ACTL6B: variants seen among roughly 807,000 people sequenced by gnomAD.
The protein encoded by ACTL6B is actin-like protein 6B.
Under a neutral mutation model 63.3 loss-of-function variants are expected in ACTL6B, and 48 were observed. The ratio of observed to expected loss-of-function variants is 0.76; its 90% CI spans 0.60 to 0.96. The LOEUF (loss-of-function observed/expected upper bound fraction) is 0.96, where lower values mean the gene tolerates loss of function less well. ACTL6B is among the 50% of genes least tolerant of loss of function. The pLI is 0.00. For missense variants in ACTL6B, 350 were observed against 572.2 expected (o/e 0.61, Z 3.96); for synonymous variants, 230 against 223.8 (o/e 1.03, Z -0.25).
Position 100,646,411 on chromosome 7 carries a change from A to G in ACTL6B, c.1114-76T>C, listed in dbSNP as rs557789785. On this transcript the variant is annotated intron_variant, in intron 12 of 13. Coordinates refer to ENST00000160382, the MANE Select transcript of ACTL6B (RefSeq NM_016188.5). This position sits in a 1 kb window ranked among gnomAD's most constrained non-coding sequence, Gnocchi z 6.1. ...GACAGGGCTTGGGGGAGAGGGGAAGACTTGGGAAGCCACAGGGGCAGGGGT... is the reference window on the plus strand; with the variant it reads ...GACAGGGCTTGGGGGAGAGGGGAAGGCTTGGGAAGCCACAGGGGCAGGGGT... The G allele has an allele frequency of 1.0e-3, 1,625 of 1,569,712 alleles. 3 individuals are homozygous for G. The highest frequency in any genetic ancestry group is 1.0e-3 in the Non-Finnish European group (1,153 of 1,146,262).
At chr7:100,651,323 G>A (rs1284950760) in intron 4 of ACTL6B, among the ~76,000 whole-genome samples, 1 of 151,998 alleles carries the variant, frequency 6.6e-6, no homozygotes, top group African/African-American at 2.4e-5. Flanking sequence ...GGCCAAGGCG[G>A]GCAGATCACC....
rs149325579 is a variant in ACTL6B at position 100,647,025 on chromosome 7, G to A, written c.882C>T (p.Tyr294=). The change falls in exon 10 of 14, where the codon TAC becomes TAT. Residue 294 remains tyrosine, a synonymous_variant. Transcript: ENST00000160382. The surrounding 1 kb of genome is among the most constrained non-coding windows in gnomAD (Gnocchi z 4.4). ...YEMPNGYNTD[Y]GAERLRIPEG... ...CAGGGATGCGGAGTCGCTCGGCGCCGTAGTCTGTATTGTAGCCATTGGGCA... is the reference window on the plus strand; with the variant it reads ...CAGGGATGCGGAGTCGCTCGGCGCCATAGTCTGTATTGTAGCCATTGGGCA... 8.7e-6 allele frequency: 14 copies of A among 1,613,986 alleles called. No individual in the cohort carries two copies. Among genetic ancestry groups the A allele is most frequent in the African/African-American group, 5.3e-5 (4 of 74,904 alleles).
chr7:100,647,014 C>T lies in ACTL6B; in HGVS notation c.893G>A (p.Arg298Gln), dbSNP rs1060499738. 6 of 1,613,934 alleles carry T rather than the reference C, an allele frequency of 3.7e-6. No homozygotes were observed. Among genetic ancestry groups the T allele is most frequent in the Admixed American group, 1.7e-5 (1 of 59,978 alleles). Residue 298 changes from arginine to glutamine, a missense_variant, in exon 10 of 14, where the codon CGA (arginine) becomes CAA (glutamine). By Grantham distance (43) the Arg-to-Gln change is conservative (BLOSUM62 1). Coordinates refer to ENST00000160382, the MANE Select transcript of ACTL6B (RefSeq NM_016188.5). The surrounding 1 kb of genome is among the most constrained non-coding windows in gnomAD (Gnocchi z 4.4). ...NGYNTDYGAE[R>Q]LRIPEGLFDP... is the part of the protein sequence containing the mutation. ...AAACAGGCCCTCAGGGATGCGGAGTCGCTCGGCGCCGTAGTCTGTATTGTA... is the reference window on the plus strand; with the variant it reads ...AAACAGGCCCTCAGGGATGCGGAGTTGCTCGGCGCCGTAGTCTGTATTGTA...
chr7:100,643,236 A>C lies in ACTL6B; in HGVS notation c.*10T>G. ...TGAGCTTGGGAGCAGGTGTGTGGGGAGGAGTGCCATCAGGGGCACTTTCGC... is the reference window on the plus strand; with the variant it reads ...TGAGCTTGGGAGCAGGTGTGTGGGGCGGAGTGCCATCAGGGGCACTTTCGC... On this transcript the variant is annotated 3_prime_UTR_variant, in exon 14 of 14. Transcript: ENST00000160382. 6.2e-7 allele frequency: 1 copy of C among 1,613,536 alleles called. No homozygotes were observed.
chr7:100,653,416 G>A (rs1209279286), intron 4 of ACTL6B, among the ~76,000 whole-genome samples: 3 of 152,140 alleles, frequency 2.0e-5, no homozygotes, highest in African/African-American at 7.2e-5. Context: ...TTGGGAGGCC[G>A]AGGCGGGCAG....
Position 100,655,941 on chromosome 7 carries a change from C to T in ACTL6B, c.26-62G>A, listed in dbSNP as rs1804032397. On this transcript the variant is annotated intron_variant, in intron 1 of 13. Transcript: ENST00000160382. This position sits in a 1 kb window ranked among gnomAD's most constrained non-coding sequence, Gnocchi z 4.4. ...CGAACTCTCTCCCGCTAGGTAGCTC[C>T]GAGAGAAAGTCAGGGCAGAGCCACA... 2.0e-6 allele frequency: 3 copies of T among 1,497,754 alleles called. No individual in the cohort carries two copies. The highest frequency in any genetic ancestry group is 2.1e-5 in the Admixed American group (1 of 47,446). 92.8% of individuals were successfully genotyped at this position (1,497,754 alleles called of 1,614,324 possible).
At position 100,646,654 on chromosome 7, in the gene ACTL6B, C is replaced by G; in HGVS notation, c.1018-8G>C. ...GACACTCCCGTACAGGCCCTGAGAG[C>G]AGGGAGAAGGAGTGAGCTGCGGGGG... On this transcript the variant is annotated splice_region_variant and splice_polypyrimidine_tract_variant and intron_variant, in intron 11 of 13. Coordinates refer to ENST00000160382, the MANE Select transcript of ACTL6B (RefSeq NM_016188.5). The surrounding 1 kb of genome is among the most constrained non-coding windows in gnomAD (Gnocchi z 6.1). 6.2e-7 allele frequency: 1 copy of G among 1,614,042 alleles called. No individual in the cohort carries two copies. The highest frequency in any genetic ancestry group is 2.2e-5 in the East Asian group (1 of 44,878).
rs759977680 is a variant in ACTL6B, at chr7:100,655,599, G to A, written c.103-13C>T. On this transcript the variant is annotated splice_polypyrimidine_tract_variant and intron_variant, in intron 2 of 13. Coordinates refer to ENST00000160382, the MANE Select transcript of ACTL6B (RefSeq NM_016188.5). This position sits in a 1 kb window ranked among gnomAD's most constrained non-coding sequence, Gnocchi z 4.4. The stretch of plus-strand genomic sequence containing the variant: ...TGGGGAAGTCAGCCTGGTGGGGAAG[G>A]GTTGGGGGAGTATTGGCAGGGAGAG... 1 of 1,608,210 alleles carries A rather than the reference G, an allele frequency of 6.2e-7. No homozygotes were observed. The highest frequency in any genetic ancestry group is 8.5e-7 in the Non-Finnish European group (1 of 1,177,322).
Position 100,643,186 on chromosome 7 carries a change from G to T in ACTL6B, c.*60C>A. 6.7e-7 allele frequency: 1 copy of T among 1,482,798 alleles called. No homozygotes were observed. The allele number at this position is 1,482,798 out of a possible 1,614,324, so 91.9% of individuals were successfully genotyped here. A position where few individuals can be genotyped will look rare whatever the true frequency, so the allele number is the denominator to read the frequency against. On this transcript the variant is annotated 3_prime_UTR_variant, in exon 14 of 14. Transcript: ENST00000160382. ...GGGAAAGGAGGAGGGGGGCAATGTGGCATGGGGGTTAAGGGACTTCCATCT... is the reference window on the plus strand; with the variant it reads ...GGGAAAGGAGGAGGGGGGCAATGTGTCATGGGGGTTAAGGGACTTCCATCT...
chr7:100,647,509 G>T lies in ACTL6B; in HGVS notation c.694C>A (p.Pro232Thr), dbSNP rs200805270. The T allele has an allele frequency of 1.1e-5, 18 of 1,607,882 alleles. No homozygotes were observed. The highest frequency in any genetic ancestry group is 1.4e-5 in the Non-Finnish European group (16 of 1,176,962). ...AGCTTCTCCTTCTTCTTCCAGTTTG[G>T]GGGGGCACCCTCCCGGACAGGCTCC... The part of the protein sequence containing the change: ...AKEPVREGAP[P>T]NWKKKEKLPQ... The change falls in exon 8 of 14, where the codon CCA (proline) becomes ACA (threonine). Residue 232 changes from proline (P) to threonine (T), a missense_variant. Around this residue, in one of 3 missense-constraint regions of ACTL6B, gnomAD observed 250 missense variants for 364.7 expected, o/e 0.69. Coordinates refer to ENST00000160382, the MANE Select transcript of ACTL6B (RefSeq NM_016188.5). This position sits in a 1 kb window ranked among gnomAD's most constrained non-coding sequence, Gnocchi z 4.4.
chr7:100,646,381 G>C lies in ACTL6B; in HGVS notation c.1114-46C>G. 1.2e-6 allele frequency: 2 copies of C among 1,601,568 alleles called. No individual in the cohort carries two copies. The highest frequency in any genetic ancestry group is 2.2e-5 in the South Asian group (2 of 90,092). ...GGGGAAGCAGACACCTAGGTTCTGG[G>C]AAGGGACAGGGCTTGGGGGAGAGGG... On this transcript the variant is annotated intron_variant, in intron 12 of 13. Coordinates refer to ENST00000160382, the MANE Select transcript of ACTL6B (RefSeq NM_016188.5). The surrounding 1 kb of genome is among the most constrained non-coding windows in gnomAD (Gnocchi z 6.1).
rs189011756 is a variant in ACTL6B at position 100,646,080 on chromosome 7, C to T, written c.1200+169G>A. Among the ~76,000 whole-genome samples, 4 of 152,332 alleles carry T rather than the reference C, an allele frequency of 2.6e-5. No individual in the cohort carries two copies. The highest frequency in any genetic ancestry group is 2.1e-4 in the South Asian group (1 of 4,822). On this transcript the variant is annotated intron_variant, in intron 13 of 13. Coordinates refer to ENST00000160382, the MANE Select transcript of ACTL6B (RefSeq NM_016188.5). This position sits in a 1 kb window ranked among gnomAD's most constrained non-coding sequence, Gnocchi z 6.1. ...GCCACCATACCGGGCCCCTGCCCCC[C>T]GATTTGTGTCCTGTTCACCCTTCTG...
chr7:100,655,151 A>C lies in ACTL6B; in HGVS notation c.269-32T>G. The C allele has an allele frequency of 6.4e-7, 1 of 1,572,718 alleles. No homozygotes were observed. Among genetic ancestry groups the C allele is most frequent in the Non-Finnish European group, 8.7e-7 (1 of 1,143,176 alleles). On this transcript the variant is annotated intron_variant, in intron 3 of 13. Transcript: ENST00000160382. This position sits in a 1 kb window ranked among gnomAD's most constrained non-coding sequence, Gnocchi z 4.4. ...CCAGAAGAGCAGCGTGCAGAGACGC[A>C]AGAAGGCAGGCAGGGGACAGGGACA... is the stretch of plus-strand genomic sequence containing the variant.
At position 100,647,548 on chromosome 7, in the gene ACTL6B, T is replaced by C; in HGVS notation, c.670-15A>G. ...CGGACAGGCTCCTGTGGGGGCACAGTGTAGGAACACCCTTTCCTAGCCCAC... is the reference window on the plus strand; with the variant it reads ...CGGACAGGCTCCTGTGGGGGCACAGCGTAGGAACACCCTTTCCTAGCCCAC... On this transcript the variant is annotated splice_polypyrimidine_tract_variant and intron_variant, in intron 7 of 13. Coordinates refer to ENST00000160382, the MANE Select transcript of ACTL6B (RefSeq NM_016188.5). This position sits in a 1 kb window ranked among gnomAD's most constrained non-coding sequence, Gnocchi z 4.4. 1.3e-6 allele frequency: 2 copies of C among 1,566,250 alleles called. No homozygotes were observed. The highest frequency in any genetic ancestry group is 1.7e-6 in the Non-Finnish European group (2 of 1,155,182).
At chr7:100,650,291 C>T (rs543146160) in intron 4 of ACTL6B, among the ~76,000 whole-genome samples, 156 bp from the exon 5 acceptor site, 1 of 151,590 alleles carries the variant, frequency 6.6e-6, no homozygotes, top group East Asian at 1.9e-4. Context: ...CTCACACATA[C>T]ACTCACGGTC....
At chr7:100,652,422 A>G in intron 4 of ACTL6B, among the ~76,000 whole-genome samples, 1 of 89,004 alleles carries the variant, frequency 1.1e-5, no homozygotes, top group African/African-American at 4.0e-5. Context: ...ACTCCATCTC[A>G]AAAAAAAAAA....
At chr7:100,653,773 G>A (rs1252590170) in intron 4 of ACTL6B, among the ~76,000 whole-genome samples, 1 of 152,116 alleles carries the variant, frequency 6.6e-6, no homozygotes, top group African/African-American at 2.4e-5. Context: ...GAGGAAAAGA[G>A]AGCTAAGCGA....
intron 4 of ACTL6B, among the ~76,000 whole-genome samples, chr7:100,650,575 G>A (rs141634980): frequency 2.6e-4 from 39 of 152,180 alleles, no homozygotes; most frequent in African/African-American, 7.5e-4. Context: ...GGTGGCTTAC[G>A]CCTATAATCC....
Position 100,648,428 on chromosome 7 carries a change from A to G in ACTL6B, c.669+128T>C. 1 of 772,334 alleles carries G rather than the reference A, an allele frequency of 1.3e-6. No homozygotes were observed. The highest frequency in any genetic ancestry group is 2.0e-6 in the Non-Finnish European group (1 of 499,200). The allele number at this position is 772,334 out of a possible 1,614,324, so 47.8% of individuals were successfully genotyped here. On this transcript the variant is annotated intron_variant, in intron 7 of 13. Transcript: ENST00000160382. This position sits in a 1 kb window ranked among gnomAD's most constrained non-coding sequence, Gnocchi z 4.4. ...CGGATGCCTCGATTATAAAAGGAGGAACTGGAGCCAGGACCCACTGGGGAG... is the reference window on the plus strand; with the variant it reads ...CGGATGCCTCGATTATAAAAGGAGGGACTGGAGCCAGGACCCACTGGGGAG...
Sources: gnomAD v4.1 joint callset for allele counts (sites outside exome capture counted in the v4.1 genomes callset) on GRCh38, gnomAD v4.1.1 for gene constraint, gnomAD v4.1.1 regional missense constraint, Gnocchi (gnomAD v3.1) non-coding constraint, MANE v1.5 for transcripts, NCBI Gene and HGNC (gene_info 2026-07-23, HGNC 2026-07-21) for gene names.